Variants in HCN1 observed in about 807,000 individuals in gnomAD.
HCN1 encodes hyperpolarization activated cyclic nucleotide gated potassium channel 1, also known as potassium/sodium hyperpolarization-activated cyclic nucleotide-gated channel 1.
A neutral mutation model predicts 78.9 loss-of-function variants in HCN1; 13 were observed. The ratio of observed to expected loss-of-function variants is 0.16; its 90% CI spans 0.11 to 0.26. The LOEUF (loss-of-function observed/expected upper bound fraction) is 0.26, where lower values mean the gene tolerates loss of function less well. HCN1 is among the 10% of genes least tolerant of loss of function. The pLI is 1.00. For synonymous variants in HCN1, 552 were observed against 455.5 expected, an observed-to-expected ratio of 1.21 and a Z score of -2.70; for missense variants, 810 against 1,154.3, an observed-to-expected ratio of 0.70 and a Z score of 4.32.
intron 5 of HCN1, among the ~76,000 whole-genome samples, 171 bp downstream of exon 5, chr5:45,352,928 CT>C (rs2111982811): frequency 6.6e-6 from 1 of 152,030 alleles, no homozygotes; most frequent in Non-Finnish European, 1.5e-5. Context: ...TTTTCCAATA[CT>C]TTTTTCAACA....
intron 5 of HCN1, among the ~76,000 whole-genome samples, chr5:45,317,027 C>T (rs1746008071): frequency 6.6e-6 from 1 of 152,116 alleles, no homozygotes; most frequent in African/African-American, 2.4e-5. Flanking sequence ...CCCCATCAAG[C>T]TACCAATGAC....
intron 2 of HCN1, among the ~76,000 whole-genome samples, chr5:45,634,976 T>C (rs150199354): frequency 6.6e-6 from 1 of 152,192 alleles, no homozygotes; most frequent in Non-Finnish European, 1.5e-5. Context: ...TCCCAAGCAT[T>C]ACTGCTAGGT....
Position 45,262,090 on chromosome 5 carries a change from A to C in HCN1, c.2504T>G (p.Val835Gly). Residue 835 changes from valine to glycine, a missense_variant, in exon 8 of 8, where the codon GTC (valine) becomes GGC (glycine). Around this residue, in one of 6 missense-constraint regions of HCN1, gnomAD observed 398 missense variants for 381.3 expected, o/e 1.04. Coordinates refer to ENST00000303230, the MANE Select transcript of HCN1 (RefSeq NM_021072.4). The part of the protein sequence containing the change: ...TGLQAGGRST[V>G]PQRVTLFRQM... ...TCGGAAGAGGGTGACGCGCTGCGGGACAGTGCTCCTGCCCCCTGCCTGAAG... is the reference window on the plus strand; with the variant it reads ...TCGGAAGAGGGTGACGCGCTGCGGGCCAGTGCTCCTGCCCCCTGCCTGAAG... 6.8e-6 allele frequency: 11 copies of C among 1,613,114 alleles called. No homozygotes were observed. Among genetic ancestry groups the C allele is most frequent in the Non-Finnish European group, 9.3e-6 (11 of 1,179,430 alleles).
At chr5:45,387,129 C>T (rs1747938631) in intron 4 of HCN1, among the ~76,000 whole-genome samples, 2 of 151,378 alleles carry the variant, frequency 1.3e-5, no homozygotes, top group Non-Finnish European at 2.9e-5. Flanking sequence ...ATATTTTGTC[C>T]CAAAGTGGTT....
intron 2 of HCN1, among the ~76,000 whole-genome samples, chr5:45,562,398 G>T (rs1743623102): frequency 6.6e-6 from 1 of 152,092 alleles, no homozygotes; most frequent in Non-Finnish European, 1.5e-5. Flanking sequence ...CTAGCTGGGT[G>T]CAGTGGCTCA....
chr5:45,387,113 T>C (rs1329200208), intron 4 of HCN1, among the ~76,000 whole-genome samples: 1 of 151,894 alleles, frequency 6.6e-6, no homozygotes, highest in Non-Finnish European at 1.5e-5. Context: ...AGAAAAAAAG[T>C]TGAAAATATT....
chr5:45,350,312 C>A (rs1045539581), intron 5 of HCN1, among the ~76,000 whole-genome samples: 2 of 152,098 alleles, frequency 1.3e-5, no homozygotes, highest in Admixed American at 6.6e-5. Flanking sequence ...AGGCCTTTGA[C>A]AAAATTCAAC....
chr5:45,655,489 AT>A (rs1199386075), intron 1 of HCN1, among the ~76,000 whole-genome samples: 1 of 152,166 alleles, frequency 6.6e-6, no homozygotes, highest in African/African-American at 2.4e-5. Flanking sequence ...TAATTTAGGA[AT>A]TTAAGAAAAG....
chr5:45,265,272 C>CT (rs1744834615), intron 7 of HCN1, among the ~76,000 whole-genome samples: 1 of 151,924 alleles, frequency 6.6e-6, no homozygotes. Flanking sequence ...GTGAAATATC[C>CT]TGATTTTAAT....
At chr5:45,280,021 A>G (rs1745128324) in intron 6 of HCN1, among the ~76,000 whole-genome samples, 1 of 152,116 alleles carries the variant, frequency 6.6e-6, no homozygotes, top group African/African-American at 2.4e-5. Flanking sequence ...TTGAAACATG[A>G]AAGATATATA....
intron 6 of HCN1, 39 bp downstream of exon 6, chr5:45,303,560 C>A: frequency 6.2e-7 from 1 of 1,605,156 alleles, no homozygotes; most frequent in Non-Finnish European, 8.5e-7. Flanking sequence ...AAATCTCAAG[C>A]AGTTTAGATT....
chr5:45,449,705 G>T (rs1017507521), intron 3 of HCN1, among the ~76,000 whole-genome samples: 2 of 151,278 alleles, frequency 1.3e-5, no homozygotes, highest in African/African-American at 4.9e-5. Flanking sequence ...CTCCAGTTAG[G>T]TCAATTTCTT....
chr5:45,386,232 G>A (rs1747906862), intron 4 of HCN1, among the ~76,000 whole-genome samples: 1 of 148,560 alleles, frequency 6.7e-6, no homozygotes, highest in Non-Finnish European at 1.5e-5. Flanking sequence ...CTGGAGTTCA[G>A]TGGTGTGATC....
At chr5:45,356,901 G>A (rs926307058) in intron 4 of HCN1, among the ~76,000 whole-genome samples, 13 of 151,948 alleles carry the variant, frequency 8.6e-5, no homozygotes, top group African/African-American at 3.1e-4. Context: ...AAAGCCAAAT[G>A]GTGTGAGTAT....
At chr5:45,631,463 C>CGCTAGG (rs1745268689) in intron 2 of HCN1, among the ~76,000 whole-genome samples, 1 of 152,016 alleles carries the variant, frequency 6.6e-6, no homozygotes. Flanking sequence ...GAAGCAGGAC[C>CGCTAGG]GCTAGCCCAC....
At chr5:45,659,129 C>T (rs1441852251) in intron 1 of HCN1, among the ~76,000 whole-genome samples, 5 of 151,748 alleles carry the variant, frequency 3.3e-5, no homozygotes, top group Admixed American at 6.6e-5. Context: ...ACTGCCTCCT[C>T]AAGTGGGTCC....
intron 5 of HCN1, among the ~76,000 whole-genome samples, chr5:45,327,278 T>C (rs528783772): frequency 5.9e-5 from 9 of 151,726 alleles, no homozygotes; most frequent in Non-Finnish European, 1.2e-4. Flanking sequence ...TCCAGAAGTA[T>C]GCTGAACTAA....
intron 2 of HCN1, among the ~76,000 whole-genome samples, chr5:45,479,241 C>T (rs1222338762): frequency 2.0e-5 from 3 of 151,464 alleles, no homozygotes; most frequent in Non-Finnish European, 2.9e-5. Flanking sequence ...CATCTGAAAA[C>T]GAGTGTGGAA....
At position 45,480,116 on chromosome 5, in the gene HCN1, C is replaced by G. The variant is rs1439278632; in HGVS notation, c.850-18109G>C. ...TATGACAGAGTTATTTGCATATACT[C>G]AAATATACCTACCCATGGTTTATAC... On this transcript the variant is annotated intron_variant, in intron 2 of 7. Coordinates refer to ENST00000303230, the MANE Select transcript of HCN1 (RefSeq NM_021072.4). The G allele has an allele frequency of 3.9e-5, 6 of 152,686 alleles. No homozygotes were observed. In the East Asian group the frequency reaches 9.7e-4, roughly 25 times the overall value. 9.5% of individuals were successfully genotyped at this position (152,686 alleles called of 1,614,324 possible).
Sources: allele counts gnomAD v4.1 joint callset (sites outside exome capture counted in the v4.1 genomes callset), GRCh38; gene constraint gnomAD v4.1.1; regional missense constraint gnomAD v4.1.1; transcripts MANE v1.5; gene names NCBI Gene and HGNC (gene_info 2026-07-23, HGNC 2026-07-21).